The following ASTN2 variants were observed in gnomAD, a reference collection of about 807,000 sequenced individuals.
The protein encoded by ASTN2 is astrotactin 2, also known as astrotactin-2.
ASTN2 carries 54 observed loss-of-function variants against 139.8 expected under a neutral mutation model. The observed-to-expected ratio is 0.39, with a 90% CI of 0.31 to 0.48. ASTN2 has a LOEUF of 0.48. Ranked by LOEUF, ASTN2 falls within the 20% of genes least tolerant of loss-of-function variation. The pLI, the probability that ASTN2 is intolerant of heterozygous loss-of-function variation, is 0.95. For missense variants in ASTN2, 1,565 were observed against 1,725.1 expected (o/e 0.91, Z 1.64); for synonymous variants, 756 against 719.5 (o/e 1.05, Z -0.81).
At chr9:116,493,322 CA>C (rs1234265091) in intron 19 of ASTN2, among the ~76,000 whole-genome samples, 1 of 152,166 alleles carries the variant, frequency 6.6e-6, no homozygotes, top group Non-Finnish European at 1.5e-5. Flanking sequence ...CAAGTTCGTC[CA>C]AGTCTCTAAC....
At chr9:117,017,958 T>A (rs1387031892) in intron 6 of ASTN2, among the ~76,000 whole-genome samples, 1 of 142,494 alleles carries the variant, frequency 7.0e-6, no homozygotes. Context: ...TCAGTCTCAT[T>A]AAAAAAAAAA....
chr9:116,885,593 G>T (rs1269001041), intron 10 of ASTN2, among the ~76,000 whole-genome samples: 2 of 152,178 alleles, frequency 1.3e-5, no homozygotes, highest in African/African-American at 4.8e-5. Context: ...TTGAACCCCA[G>T]ACGCAGAGGT....
chr9:116,626,554 A>G (rs1049505753), intron 17 of ASTN2, among the ~76,000 whole-genome samples: 1 of 152,080 alleles, frequency 6.6e-6, no homozygotes, highest in African/African-American at 2.4e-5. Context: ...CCTTGAAGCC[A>G]TTGAAAGGAA....
At chr9:117,114,429 T>C (rs1829328016) in intron 4 of ASTN2, among the ~76,000 whole-genome samples, 2 of 152,232 alleles carry the variant, frequency 1.3e-5, no homozygotes, top group Admixed American at 1.3e-4. Flanking sequence ...AGCATAACAA[T>C]TCTTCCTGCA....
At chr9:116,759,229 A>G (rs1564251638) in intron 13 of ASTN2, among the ~76,000 whole-genome samples, 1 of 152,170 alleles carries the variant, frequency 6.6e-6, no homozygotes, top group Non-Finnish European at 1.5e-5. Context: ...GTATGGGCCC[A>G]GTTTGTGCTG....
intron 5 of ASTN2, among the ~76,000 whole-genome samples, chr9:117,093,451 G>A (rs1441597524): frequency 6.6e-6 from 1 of 152,128 alleles, no homozygotes; most frequent in Non-Finnish European, 1.5e-5. Context: ...AGTAAGTGGG[G>A]GGGCTGGGAT....
At chr9:117,362,864 A>G (rs1244720157) in intron 1 of ASTN2, among the ~76,000 whole-genome samples, 1 of 151,924 alleles carries the variant, frequency 6.6e-6, no homozygotes, top group Non-Finnish European at 1.5e-5. Flanking sequence ...AAAAACCCAC[A>G]CCAGTCTCTT....
intron 2 of ASTN2, among the ~76,000 whole-genome samples, chr9:117,269,480 G>A (rs944270612): frequency 6.6e-6 from 1 of 152,102 alleles, no homozygotes; most frequent in African/African-American, 2.4e-5. Flanking sequence ...TATAGAAATG[G>A]CTAGGATCCA....
At chr9:116,893,159 T>TCTCACACACA (rs1006361618) in intron 10 of ASTN2, among the ~76,000 whole-genome samples, 1 of 149,232 alleles carries the variant, frequency 6.7e-6, no homozygotes, top group African/African-American at 2.5e-5. Context: ...TAAAGGTGTA[T>TCTCACACACA]CACACACACA....
intron 19 of ASTN2, among the ~76,000 whole-genome samples, chr9:116,602,955 G>A (rs1369753494): frequency 6.6e-6 from 1 of 152,190 alleles, no homozygotes; most frequent in Non-Finnish European, 1.5e-5. Context: ...AAGAATGTAA[G>A]TTGACAGGAG....
chr9:116,678,398 A>C (rs890157307), intron 16 of ASTN2, among the ~76,000 whole-genome samples: 1 of 152,236 alleles, frequency 6.6e-6, no homozygotes, highest in Non-Finnish European at 1.5e-5. Flanking sequence ...TAAAAATAAA[A>C]GTTGCTAAGA....
At chr9:117,329,391 G>A (rs965813681) in intron 1 of ASTN2, among the ~76,000 whole-genome samples, 2 of 151,962 alleles carry the variant, frequency 1.3e-5, no homozygotes, top group African/African-American at 4.8e-5. Context: ...TGTCCCTCCA[G>A]TGCTGACACA....
chr9:117,233,370 G>A (rs958559868), intron 2 of ASTN2, among the ~76,000 whole-genome samples: 1 of 152,120 alleles, frequency 6.6e-6, no homozygotes, highest in Non-Finnish European at 1.5e-5. Flanking sequence ...TACCCCCTTA[G>A]CCTGATTTTC....
chr9:116,440,489 G>A, intron 22 of ASTN2, 120 bp downstream of exon 22: 3 of 919,850 alleles, frequency 3.3e-6, no homozygotes, highest in Non-Finnish European at 3.3e-6. Context: ...ACACGACCAA[G>A]GTGATAATCA....
intron 10 of ASTN2, among the ~76,000 whole-genome samples, chr9:116,906,907 T>C (rs1434891087): frequency 6.6e-6 from 1 of 152,204 alleles, no homozygotes; most frequent in African/African-American, 2.4e-5. Flanking sequence ...TATAGCCCCT[T>C]AAAATGTCTC....
chr9:116,676,950 A>G (rs979314399), intron 16 of ASTN2, among the ~76,000 whole-genome samples: 77 of 152,218 alleles, frequency 5.1e-4, no homozygotes, highest in African/African-American at 1.9e-3. Context: ...CATGTCTTTG[A>G]AGCACCTAGG....
chr9:117,385,151 A>T (rs1191447774), intron 1 of ASTN2, among the ~76,000 whole-genome samples: 1 of 152,166 alleles, frequency 6.6e-6, no homozygotes, highest in Non-Finnish European at 1.5e-5. Context: ...ATGAATTATA[A>T]GTACACATCA....
chr9:117,110,833 G>A (rs1193446130), intron 4 of ASTN2, among the ~76,000 whole-genome samples: 2 of 152,318 alleles, frequency 1.3e-5, no homozygotes, highest in South Asian at 2.1e-4. Context: ...GTTTGCCATT[G>A]TCTGGACTGA....
At chr9:117,290,686 G>A (rs1834567244) in intron 2 of ASTN2, among the ~76,000 whole-genome samples, 1 of 152,186 alleles carries the variant, frequency 6.6e-6, no homozygotes, top group Non-Finnish European at 1.5e-5. Flanking sequence ...CATAGTTCAG[G>A]CTTAGTAGCC....
Sources: allele counts gnomAD v4.1 joint callset (sites outside exome capture counted in the v4.1 genomes callset), GRCh38; gene constraint gnomAD v4.1.1; transcripts MANE v1.5; gene names NCBI Gene and HGNC (gene_info 2026-07-23, HGNC 2026-07-21).